CELF2: variants seen among roughly 807,000 people sequenced by gnomAD.
The protein encoded by CELF2 is CUG triplet repeat RNA-binding protein 2.
A neutral mutation model predicts 62.6 loss-of-function variants in CELF2; 8 were observed. That is an observed-to-expected ratio of 0.13 (90% CI 0.07 to 0.23). The LOEUF (loss-of-function observed/expected upper bound fraction) is 0.23. Among genes scored for constraint, CELF2 ranks in the 10% least tolerant of loss-of-function variants. CELF2 has a pLI of 1.00. For missense variants in CELF2, 333 were observed against 671.0 expected (o/e 0.50, Z 5.56); for synonymous variants, 258 against 250.0 (o/e 1.03, Z -0.30).
chr10:10,595,612 TC>T, the CELF2 span, among the ~76,000 whole-genome samples: 1 of 152,134 alleles, frequency 6.6e-6, no homozygotes. Context: ...ACTGTTCCTT[TC>T]CATGGCAATG....
chr10:10,482,426 C>T, the CELF2 span, among the ~76,000 whole-genome samples: 1 of 152,126 alleles, frequency 6.6e-6, no homozygotes, highest in Non-Finnish European at 1.5e-5. Flanking sequence ...TAGGAGTTGG[C>T]TGTAAATGGT....
At chr10:10,949,558 G>A (rs1005730423) in intron 2 of CELF2, among the ~76,000 whole-genome samples, 5 of 151,850 alleles carry the variant, frequency 3.3e-5, no homozygotes, top group African/African-American at 4.8e-5. Flanking sequence ...TTGGGAGGCC[G>A]AGGCAGATGG....
chr10:10,613,890 C>G, the CELF2 span, among the ~76,000 whole-genome samples: 1 of 152,128 alleles, frequency 6.6e-6, no homozygotes, highest in African/African-American at 2.4e-5. Flanking sequence ...TTACTGATGT[C>G]CCTTGGATTT....
the CELF2 span, among the ~76,000 whole-genome samples, chr10:10,669,319 C>A: frequency 6.6e-6 from 1 of 152,120 alleles, no homozygotes; most frequent in Non-Finnish European, 1.5e-5. Context: ...AGAGTAAACT[C>A]CTAGTCAAAT....
the CELF2 span, among the ~76,000 whole-genome samples, chr10:10,759,600 C>T: frequency 2.6e-5 from 4 of 152,030 alleles, no homozygotes; most frequent in Non-Finnish European, 4.4e-5. Context: ...TGAACTACCA[C>T]GTCTGACCTA....
the CELF2 span, among the ~76,000 whole-genome samples, chr10:10,467,124 A>G: frequency 6.6e-6 from 1 of 152,094 alleles, no homozygotes; most frequent in Admixed American, 6.6e-5. Flanking sequence ...TAGCATAAAA[A>G]TTTATTTCAC....
the CELF2 span, among the ~76,000 whole-genome samples, chr10:10,742,005 G>C: frequency 2.0e-5 from 3 of 152,100 alleles, no homozygotes; most frequent in Non-Finnish European, 2.9e-5. Flanking sequence ...ATTTATAACA[G>C]TATGAACCCA....
chr10:10,471,126 A>G, the CELF2 span, among the ~76,000 whole-genome samples: 2 of 151,682 alleles, frequency 1.3e-5, no homozygotes, highest in Non-Finnish European at 3.0e-5. Context: ...AATATGCCCA[A>G]TAATCAATAT....
chr10:11,167,972 G>A (rs1311095641), intron 2 of CELF2, among the ~76,000 whole-genome samples: 1 of 152,126 alleles, frequency 6.6e-6, no homozygotes, highest in East Asian at 1.9e-4. Flanking sequence ...TGTCTTCATG[G>A]ACTACACCAT....
At chr10:10,560,497 T>C in the CELF2 span, among the ~76,000 whole-genome samples, 1 of 152,144 alleles carries the variant, frequency 6.6e-6, no homozygotes, top group African/African-American at 2.4e-5. Context: ...TCCTACCCTG[T>C]CTTTGATTCA....
At chr10:11,219,082 CT>C (rs2064084363) in intron 3 of CELF2, among the ~76,000 whole-genome samples, 2 of 152,162 alleles carry the variant, frequency 1.3e-5, no homozygotes, top group African/African-American at 4.8e-5. Context: ...AGACAGTGAA[CT>C]GTTGTTAATT....
rs72775894 is a variant in CELF2 at position 11,326,398 on chromosome 10, C to T, written c.1438+419C>T. Among the ~76,000 whole-genome samples the T allele has an allele frequency of 2.6e-3, 398 of 152,372 alleles. 2 individuals carry two copies. The highest frequency in any genetic ancestry group is 0.01 in the South Asian group (50 of 4,832). The stretch of plus-strand genomic sequence containing the variant: ...CACATCCATGTGTTCAGGCTGCTTG[C>T]GTGATCGCAGCTCCACGTGCCCGGG... On this transcript the variant is annotated intron_variant, in intron 12 of 12. Transcript: ENST00000633077.
the CELF2 span, among the ~76,000 whole-genome samples, chr10:10,655,961 G>A: frequency 1.7e-3 from 239 of 140,192 alleles, no homozygotes; most frequent in African/African-American, 5.0e-3. Context: ...GAAAATTTTC[G>A]CAACCTACTC....
In CELF2 at chr10:11,288,455, G is replaced by A; in HGVS notation, c.879G>A (p.Leu293=). Residue 293 remains leucine (L), a synonymous_variant, in exon 9 of 13, where the codon CTG becomes CTA. Transcript: ENST00000633077. ...NALQLQNLAT[L]AAAAAAAQTS... is the part of the protein sequence containing the mutation. Reference sequence around the variant, plus strand: ...TACAGTTGCAGAACCTGGCGACGCTGGCTGCTGCTGCAGCTGCGGCCCAGA... The same window carrying A: ...TACAGTTGCAGAACCTGGCGACGCTAGCTGCTGCTGCAGCTGCGGCCCAGA... The A allele has an allele frequency of 6.2e-7, 1 of 1,613,966 alleles. No homozygotes were observed. The highest frequency in any genetic ancestry group is 1.1e-5 in the South Asian group (1 of 91,088).
At chr10:11,323,424 A>AAATAATAATAATAATAATAAT (rs57666869) in intron 11 of CELF2, among the ~76,000 whole-genome samples, 1 of 141,650 alleles carries the variant, frequency 7.1e-6, no homozygotes, top group Non-Finnish European at 1.5e-5. Context: ...GGCAGAGCAA[A>AAATAATAATAATAATAATAAT]AATAATAATA....
intron 11 of CELF2, among the ~76,000 whole-genome samples, chr10:11,322,345 C>G (rs1305670293): frequency 6.6e-6 from 1 of 152,188 alleles, no homozygotes; most frequent in African/African-American, 2.4e-5. Flanking sequence ...GCAAAATAAA[C>G]TCCAGGAAGT....
intron 1 of CELF2, among the ~76,000 whole-genome samples, chr10:11,129,229 G>C (rs564091357): frequency 3.9e-4 from 59 of 152,242 alleles, no homozygotes; most frequent in African/African-American, 1.3e-3. Context: ...GGATGAAGCC[G>C]ACTTGATATT....
the CELF2 span, among the ~76,000 whole-genome samples, chr10:10,554,617 G>A: frequency 6.6e-6 from 1 of 152,162 alleles, no homozygotes; most frequent in Non-Finnish European, 1.5e-5. Flanking sequence ...TCCCTGTGGT[G>A]ACCCTGGCTG....
chr10:10,894,073 T>A (rs1055545859), intron 1 of CELF2, among the ~76,000 whole-genome samples: 1 of 151,924 alleles, frequency 6.6e-6, no homozygotes, highest in South Asian at 2.1e-4. Context: ...TACAGACAAT[T>A]TTAACAACAA....
Sources: allele counts gnomAD v4.1 joint callset (sites outside exome capture counted in the v4.1 genomes callset), GRCh38; gene constraint gnomAD v4.1.1; transcripts MANE v1.5; gene names NCBI Gene and HGNC (gene_info 2026-07-23, HGNC 2026-07-21).